RIMS2: variants seen among roughly 807,000 people sequenced by gnomAD.
The protein encoded by RIMS2 is regulating synaptic membrane exocytosis 2.
A neutral mutation model predicts 174.4 loss-of-function variants in RIMS2; 59 were observed. That is an observed-to-expected ratio of 0.34 (90% CI 0.27 to 0.42). RIMS2 has a LOEUF of 0.42. RIMS2 is among the 10% of genes least tolerant of loss of function. The pLI is 1.00. For synonymous variants in RIMS2, 606 were observed against 572.5 expected, an observed-to-expected ratio of 1.06 and a Z score of -0.84; for missense variants, 1,620 against 1,666.3, an observed-to-expected ratio of 0.97 and a Z score of 0.48.
rs79062137 is a variant in RIMS2, at chr8:103,674,226, T to G, written c.177-22860T>G. On this transcript the variant is annotated intron_variant, in intron 1 of 23. Coordinates refer to ENST00000504942, the Ensembl canonical transcript of RIMS2. ...TCAGTCCCTAAGAAGTTCCAAACTT[T>G]CCTTCATCTTCCTCTCTTCTTCTGA... is the stretch of plus-strand genomic sequence containing the variant. Among the ~76,000 whole-genome samples the G allele has an allele frequency of 3.8e-3, 574 of 152,318 alleles. 8 individuals carry two copies. The highest frequency in any genetic ancestry group is 0.013 in the African/African-American group (545 of 41,572).
intron 19 of RIMS2, among the ~76,000 whole-genome samples, chr8:104,202,017 C>T (rs955282055): frequency 2.8e-4 from 42 of 152,058 alleles, no homozygotes; most frequent in African/African-American, 8.7e-4. Flanking sequence ...GATAAAATAG[C>T]GTCCTTAGAA....
intron 1 of RIMS2, among the ~76,000 whole-genome samples, chr8:103,635,642 G>A (rs764020981): frequency 2.6e-5 from 4 of 152,236 alleles, no homozygotes; most frequent in Non-Finnish European, 4.4e-5. Flanking sequence ...AAAGACACCT[G>A]CAGGAAGTGG....
At chr8:103,956,882 A>G (rs2087465769) in intron 14 of RIMS2, among the ~76,000 whole-genome samples, 2 of 152,232 alleles carry the variant, frequency 1.3e-5, no homozygotes, top group Non-Finnish European at 2.9e-5. Context: ...CAGAATCTAC[A>G]AAGAACTTAA....
chr8:104,224,855 A>G (rs1485600517), intron 19 of RIMS2, among the ~76,000 whole-genome samples: 1 of 152,184 alleles, frequency 6.6e-6, no homozygotes, highest in Non-Finnish European at 1.5e-5. Flanking sequence ...CTTCAAACTA[A>G]TTTATTAGCT....
At chr8:103,679,229 A>G (rs1380430594) in intron 1 of RIMS2, among the ~76,000 whole-genome samples, 3 of 151,958 alleles carry the variant, frequency 2.0e-5, no homozygotes, top group African/African-American at 4.8e-5. Flanking sequence ...AAACTGCTCA[A>G]TTTGAGTCCT....
At chr8:103,916,605 T>C (rs1419056192) in intron 8 of RIMS2, 68 bp downstream of exon 11, 2 of 1,237,248 alleles carry the variant, frequency 1.6e-6, no homozygotes, top group African/African-American at 3.0e-5. Flanking sequence ...TAATGTGCCA[T>C]TTAATAATTT....
At chr8:104,201,931 C>A (rs1218920628) in intron 19 of RIMS2, among the ~76,000 whole-genome samples, 1 of 152,052 alleles carries the variant, frequency 6.6e-6, no homozygotes, top group East Asian at 1.9e-4. Context: ...AAAATATTTT[C>A]TGTAGAAGAA....
At chr8:104,211,006 G>A (rs908480282) in intron 19 of RIMS2, among the ~76,000 whole-genome samples, 1 of 152,174 alleles carries the variant, frequency 6.6e-6, no homozygotes, top group Non-Finnish European at 1.5e-5. Flanking sequence ...GTTGGACATT[G>A]TGCTACTTCA....
intron 6 of RIMS2, among the ~76,000 whole-genome samples, chr8:103,913,383 G>C (rs1484550808): frequency 1.3e-5 from 2 of 151,980 alleles, no homozygotes; most frequent in Non-Finnish European, 2.9e-5. Flanking sequence ...ACAGTGGGCT[G>C]TGATCACACC....
At chr8:103,697,823 G>A (rs1236518048) in intron 2 of RIMS2, among the ~76,000 whole-genome samples, 5 of 152,028 alleles carry the variant, frequency 3.3e-5, no homozygotes, top group African/African-American at 1.2e-4. Flanking sequence ...TCAGGAGTTC[G>A]AGACCAGCCT....
At chr8:103,925,597 A>G (rs1009536882) in intron 10 of RIMS2, among the ~76,000 whole-genome samples, 73 of 151,732 alleles carry the variant, frequency 4.8e-4, no homozygotes, top group African/African-American at 1.7e-3. Context: ...CTTCATTTGT[A>G]TGAAGCCTGA....
At chr8:103,608,579 C>T (rs917245221) in intron 1 of RIMS2, among the ~76,000 whole-genome samples, 1 of 146,218 alleles carries the variant, frequency 6.8e-6, no homozygotes, top group African/African-American at 2.6e-5. Context: ...GGTGGGCGCC[C>T]CTCCCCCAGC....
chr8:103,591,730 G>A (rs2094269326), intron 1 of RIMS2, among the ~76,000 whole-genome samples: 1 of 150,936 alleles, frequency 6.6e-6, no homozygotes, highest in African/African-American at 2.4e-5. Flanking sequence ...TTCATTTTTG[G>A]CTCTGTATTC....
At chr8:103,609,874 A>C (rs956775489) in intron 1 of RIMS2, among the ~76,000 whole-genome samples, 1 of 152,126 alleles carries the variant, frequency 6.6e-6, no homozygotes, top group African/African-American at 2.4e-5. Flanking sequence ...GAAGTATGTC[A>C]TTGGTAGTTT....
At chr8:103,885,223 C>A in intron 3 of RIMS2, 75 bp from the exon 7 acceptor site, 1 of 1,459,048 alleles carries the variant, frequency 6.9e-7, no homozygotes, top group South Asian at 1.5e-5. Context: ...ATCCATCAAC[C>A]TGCCAGCAAA....
rs530946049 is a variant in RIMS2 at position 103,821,650 on chromosome 8, A to AT, written c.698+55119dup. On this transcript the variant is annotated intron_variant, in intron 3 of 23. Transcript: ENST00000504942. ...TTCCACATATTTTAATTTTTTGGTT[A>AT]TTTTTTGTGTTCACTTTAGATACAA... Among the ~76,000 whole-genome samples the AT allele has an allele frequency of 7.1e-4, 108 of 151,716 alleles. 1 individual carries two copies. The highest frequency in any genetic ancestry group is 4.1e-3 in the Admixed American group (62 of 15,246).
At position 103,707,442 on chromosome 8, in the gene RIMS2, G is replaced by C. The variant is rs529242268; in HGVS notation, c.387+10146G>C. Among the ~76,000 whole-genome samples, 5 of 148,782 alleles carry C rather than the reference G, an allele frequency of 3.4e-5. No homozygotes were observed. The East Asian group carries it at 7.7e-4, about 23-fold the overall frequency. On this transcript the variant is annotated intron_variant, in intron 2 of 23. Transcript: ENST00000504942. Reference sequence around the variant, plus strand: ...TCTTCCAATAATTGTTAAGGGTACTGAGTATTTACTTAAGCCTGTGGGTAA... The same window carrying C: ...TCTTCCAATAATTGTTAAGGGTACTCAGTATTTACTTAAGCCTGTGGGTAA...
At chr8:103,683,292 A>G (rs1333555362) in intron 1 of RIMS2, among the ~76,000 whole-genome samples, 1 of 152,200 alleles carries the variant, frequency 6.6e-6, no homozygotes, top group Non-Finnish European at 1.5e-5. Context: ...GCGAGTGGGC[A>G]GGTGTGAAGA....
intron 1 of RIMS2, among the ~76,000 whole-genome samples, chr8:103,693,774 T>A (rs1438121958): frequency 6.6e-6 from 1 of 152,168 alleles, no homozygotes; most frequent in Non-Finnish European, 1.5e-5. Context: ...TCCTGGAGCC[T>A]CTGTTGTGGG....
Sources: gnomAD v4.1 joint callset for allele counts (sites outside exome capture counted in the v4.1 genomes callset) on GRCh38, gnomAD v4.1.1 for gene constraint, MANE v1.5 for transcripts, NCBI Gene and HGNC (gene_info 2026-07-23, HGNC 2026-07-21) for gene names.